Variants in ACP1 observed in about 807,000 individuals in gnomAD.
ACP1 encodes low molecular weight phosphotyrosine protein phosphatase.
In ACP1, 23 loss-of-function variants were observed where a neutral mutation model predicts 23.4. That is an observed-to-expected ratio of 0.98 (90% CI 0.71 to 1.39). The LOEUF (loss-of-function observed/expected upper bound fraction) is 1.39, where lower values mean the gene tolerates loss of function less well. ACP1 is among the 40% of genes most tolerant of loss of function. The probability of loss-of-function intolerance (pLI) is 0.00; values close to 1 mark genes in which losing one functional copy is unlikely to be tolerated. For synonymous variants in ACP1, 72 were observed against 67.2 expected (o/e 1.07, Z -0.35); for missense variants, 180 against 197.7 (o/e 0.91, Z 0.54).
chr2:277,114 T>C, intron 5 of ACP1, 29 bp downstream of exon 5: 1 of 1,578,420 alleles, frequency 6.3e-7, no homozygotes, highest in Non-Finnish European at 8.7e-7. Flanking sequence ...TTAGGGCTAA[T>C]ATGAAGACCC....
At chr2:267,869 C>G (rs1256833969) in intron 1 of ACP1, among the ~76,000 whole-genome samples, 2 of 152,206 alleles carry the variant, frequency 1.3e-5, no homozygotes, top group South Asian at 2.1e-4. Flanking sequence ...TATGATGAAC[C>G]TGGCTGTGTT....
chr2:266,996 G>T (rs891284572), intron 1 of ACP1, among the ~76,000 whole-genome samples: 1 of 152,188 alleles, frequency 6.6e-6, no homozygotes, highest in Non-Finnish European at 1.5e-5. Flanking sequence ...GCAATAGGTG[G>T]ATAGACAGCA....
chr2:269,219 G>A (rs1477584301), intron 1 of ACP1: 14 of 429,020 alleles, frequency 3.3e-5, no homozygotes, highest in Non-Finnish European at 4.8e-5. Flanking sequence ...TTAGAATGTC[G>A]AAAGGAAAAA....
intron 1 of ACP1, among the ~76,000 whole-genome samples, chr2:271,636 TG>T (rs1332668295): frequency 6.6e-6 from 1 of 152,236 alleles, no homozygotes; most frequent in East Asian, 1.9e-4. Context: ...CATCTGTACT[TG>T]GAGTACTTGG....
intron 1 of ACP1, among the ~76,000 whole-genome samples, chr2:265,806 C>T (rs1669855273): frequency 3.3e-5 from 5 of 152,142 alleles, no homozygotes; most frequent in Admixed American, 3.3e-4. Context: ...TTTTTACAGA[C>T]TCCTCACTTT....
intron 3 of ACP1, among the ~76,000 whole-genome samples, chr2:274,382 G>GA (rs1354267064): frequency 6.6e-6 from 1 of 152,026 alleles, no homozygotes. Context: ...TATAGTAGTC[G>GA]AAATTCACAA....
chr2:267,128 C>T (rs949228591), intron 1 of ACP1, among the ~76,000 whole-genome samples: 60 of 152,322 alleles, frequency 3.9e-4, no homozygotes, highest in African/African-American at 1.4e-3. Flanking sequence ...TTGTGGAATT[C>T]TTCATTTAAT....
chr2:265,001 T>C lies in ACP1; in HGVS notation c.37T>C (p.Cys13Arg), dbSNP rs1160727073. 4 of 1,613,304 alleles carry C rather than the reference T, an allele frequency of 2.5e-6. No individual in the cohort carries two copies. The highest frequency in any genetic ancestry group is 1.3e-5 in the African/African-American group (1 of 74,790). The stretch of plus-strand genomic sequence containing the variant: ...GGCTACCAAGTCCGTGCTGTTTGTG[T>C]GTCTGGGTAAGAGGGCGCCGACTTA... ...EQATKSVLFVCLGNICRSPIA... is the reference protein window; with the variant it reads ...EQATKSVLFVRLGNICRSPIA... The change falls in exon 1 of 6, where the codon TGT becomes CGT. Residue 13 changes from cysteine to arginine, a missense_variant. Around this residue, in one of 3 missense-constraint regions of ACP1, gnomAD observed 132 missense variants for 124.1 expected, o/e 1.06. Coordinates refer to ENST00000272065, the MANE Select transcript of ACP1 (RefSeq NM_004300.4).
At chr2:270,785 G>C (rs1174808255) in intron 1 of ACP1, among the ~76,000 whole-genome samples, 1 of 152,096 alleles carries the variant, frequency 6.6e-6, no homozygotes, top group Admixed American at 6.5e-5. Context: ...TGTCCCAGAG[G>C]ACAGTGGAGC....
At chr2:265,304 C>T (rs1248438939) in intron 1 of ACP1, 6 of 372,912 alleles carry the variant, frequency 1.6e-5, no homozygotes, top group Non-Finnish European at 2.4e-5. Context: ...CTACTAGAAT[C>T]CCTCTCGTTC....
Position 272,160 on chromosome 2 carries a change from T to C in ACP1, c.231+10T>C. The C allele has an allele frequency of 1.9e-6, 3 of 1,614,212 alleles. No homozygotes were observed. Among genetic ancestry groups the C allele is most frequent in the Non-Finnish European group, 2.5e-6 (3 of 1,180,036 alleles). ...CCACGTTGCCCGGCAGGTACCGTCC[T>C]TGGACTTGAAGTTGTGTGTTTTGTG... is the stretch of plus-strand genomic sequence containing the variant. On this transcript the variant is annotated intron_variant, in intron 3 of 5. Transcript: ENST00000272065.
intron 1 of ACP1, among the ~76,000 whole-genome samples, chr2:267,744 A>T (rs562501920): frequency 6.6e-6 from 1 of 152,194 alleles, no homozygotes; most frequent in Admixed American, 6.5e-5. Context: ...CCTTATATAC[A>T]CTGGTCCTTT....
At chr2:265,628 A>G (rs1669849800) in intron 1 of ACP1, among the ~76,000 whole-genome samples, 1 of 152,222 alleles carries the variant, frequency 6.6e-6, no homozygotes, top group East Asian at 1.9e-4. Flanking sequence ...AGCTTGCCTT[A>G]CTTCAAACAT....
chr2:271,780 T>A, intron 1 of ACP1, 86 bp from the exon 2 acceptor site: 1 of 1,017,806 alleles, frequency 9.8e-7, no homozygotes, highest in Non-Finnish European at 1.6e-6. Flanking sequence ...ACAGCCCCCG[T>A]GTGTCAGGTG....
At position 277,342 on chromosome 2, in the gene ACP1, C is replaced by T; in HGVS notation, c.*38C>T. ...CCCTGCTGCGGCCAGCCTGACTAGA[C>T]CCCACCCTGAGGTCCTGCATTTCTC... On this transcript the variant is annotated 3_prime_UTR_variant, in exon 6 of 6. Coordinates refer to ENST00000272065, the MANE Select transcript of ACP1 (RefSeq NM_004300.4). The T allele has an allele frequency of 6.3e-7, 1 of 1,581,560 alleles. No individual in the cohort carries two copies. Among genetic ancestry groups the T allele is most frequent in the Non-Finnish European group, 8.7e-7 (1 of 1,152,068 alleles).
intron 1 of ACP1, 121 bp from the exon 2 acceptor site, chr2:271,745 G>A: frequency 1.3e-6 from 1 of 790,166 alleles, no homozygotes; most frequent in Non-Finnish European, 2.2e-6. Context: ...GATAGTGTTG[G>A]CCTTTGTTTT....
intron 3 of ACP1, among the ~76,000 whole-genome samples, chr2:274,377 T>C (rs989627085): frequency 1.3e-5 from 2 of 152,200 alleles, no homozygotes; most frequent in Non-Finnish European, 2.9e-5. Flanking sequence ...TTATTTATAG[T>C]AGTCGAAATT....
chr2:269,255 A>T (rs1391025538), intron 1 of ACP1: 1 of 465,702 alleles, frequency 2.1e-6, no homozygotes, highest in Non-Finnish European at 4.4e-6. Context: ...TAGCATATAG[A>T]GGGTATTCAA....
At position 277,656 on chromosome 2, in the gene ACP1, T is replaced by C. The variant is rs946297052; in HGVS notation, c.*352T>C. The C allele has an allele frequency of 1.0e-5, 3 of 289,818 alleles. No homozygotes were observed. Among genetic ancestry groups the C allele is most frequent in the African/African-American group, 6.5e-5 (3 of 46,276 alleles). 18.0% of individuals were successfully genotyped at this position (289,818 alleles called of 1,614,324 possible). ...ACATCTAAGCCTGTTGAGACTTAGA[T>C]AATCGAGTCTACCTCTTCAGTAGGT... On this transcript the variant is annotated 3_prime_UTR_variant, in exon 6 of 6. Coordinates refer to ENST00000272065, the MANE Select transcript of ACP1 (RefSeq NM_004300.4).
Sources: allele counts gnomAD v4.1 joint callset (sites outside exome capture counted in the v4.1 genomes callset), GRCh38; gene constraint gnomAD v4.1.1; regional missense constraint gnomAD v4.1.1; transcripts MANE v1.5; gene names NCBI Gene and HGNC (gene_info 2026-07-23, HGNC 2026-07-21).